The following COL9A2 variants were observed in gnomAD, a reference collection of about 807,000 sequenced individuals.
COL9A2 encodes collagen alpha-2(IX) chain.
In COL9A2, 66 loss-of-function variants were observed where a neutral mutation model predicts 111.6. The ratio of observed to expected loss-of-function variants is 0.59; its 90% CI spans 0.48 to 0.73. The LOEUF is 0.73. COL9A2 is among the 30% of genes least tolerant of loss of function. The probability of loss-of-function intolerance (pLI) is 0.00; values close to 1 mark genes in which losing one functional copy is unlikely to be tolerated. For synonymous variants in COL9A2, 353 were observed against 364.1 expected (o/e 0.97, Z 0.35); for missense variants, 881 against 954.1 (o/e 0.92, Z 1.01).
At position 40,301,195 on chromosome 1, in the gene COL9A2, A is replaced by G; in HGVS notation, c.2057T>C (p.Ile686Thr). Residue 686 changes from isoleucine (I) to threonine (T), a missense_variant, in exon 32 of 32, where the codon ATC (isoleucine) becomes ACC (threonine). Coordinates refer to ENST00000372748, the MANE Select transcript of COL9A2 (RefSeq NM_001852.4). ...TGGGCCTGATGCTCAAGGCCCCTTG[A>G]TGGATCCAGGCTCTGTAAGGCGGGC... ...ASARLTEPGSIKGP is the reference protein window; with the variant it reads ...ASARLTEPGSTKGP 1.9e-6 allele frequency: 3 copies of G among 1,613,612 alleles called. No homozygotes were observed. The highest frequency in any genetic ancestry group is 2.5e-6 in the Non-Finnish European group (3 of 1,180,026).
intron 2 of COL9A2, among the ~76,000 whole-genome samples, chr1:40,315,032 G>C (rs209919): frequency 1.6e-4 from 24 of 152,118 alleles, no homozygotes; most frequent in Admixed American, 1.6e-3. Context: ...TGTTTGGGGG[G>C]TGGGGGCACC....
intron 16 of COL9A2, 85 bp from the exon 17 acceptor site, chr1:40,308,330 G>T (rs768181143): frequency 4.8e-5 from 68 of 1,404,318 alleles, no homozygotes; most frequent in Non-Finnish European, 6.4e-5. Flanking sequence ...TGAGAACAGT[G>T]GCCTCTAGGT....
Position 40,311,996 on chromosome 1 carries a change from C to G in COL9A2, c.417+63G>C. ...GGCCCAGGAACTTCCAGAAAGACCA[C>G]CCAGCTTGCCAGCTTGGAGATAGAA... On this transcript the variant is annotated intron_variant, in intron 8 of 31. Coordinates refer to ENST00000372748, the MANE Select transcript of COL9A2 (RefSeq NM_001852.4). This position sits in a 1 kb window ranked among gnomAD's most constrained non-coding sequence, Gnocchi z 5.1. 1.3e-6 allele frequency: 2 copies of G among 1,528,802 alleles called. No homozygotes were observed. The highest frequency in any genetic ancestry group is 1.8e-6 in the Non-Finnish European group (2 of 1,119,116). The allele number at this position is 1,528,802 out of a possible 1,614,324, so 94.7% of individuals were successfully genotyped here.
rs1644225494 is a variant in COL9A2, at chr1:40,316,734, C to A, written c.75+389G>T. 1 of 367,766 alleles carries A rather than the reference C, an allele frequency of 2.7e-6. No individual in the cohort carries two copies. The highest frequency in any genetic ancestry group is 6.7e-4 in the Middle Eastern group (1 of 1,496). The allele number at this position is 367,766 out of a possible 1,614,324, so 22.8% of individuals were successfully genotyped here. A position where few individuals can be genotyped will look rare whatever the true frequency, so the allele number is the denominator to read the frequency against. ...CCGAGAGGCCGCCTCGGGGCGACAG[C>A]GGCGTCTGGTTGGAGCCGGCGCCCC... is the stretch of plus-strand genomic sequence containing the variant. On this transcript the variant is annotated intron_variant, in intron 1 of 31. Coordinates refer to ENST00000372748, the MANE Select transcript of COL9A2 (RefSeq NM_001852.4). The surrounding 1 kb of genome is among the most constrained non-coding windows in gnomAD (Gnocchi z 5.5).
Position 40,311,984 on chromosome 1 carries a change from C to A in COL9A2, c.417+75G>T. On this transcript the variant is annotated intron_variant, in intron 8 of 31. Transcript: ENST00000372748. The surrounding 1 kb of genome is among the most constrained non-coding windows in gnomAD (Gnocchi z 5.1). The stretch of plus-strand genomic sequence containing the variant: ...TGGCCAGGAGCAGGCCCAGGAACTT[C>A]CAGAAAGACCACCCAGCTTGCCAGC... 3 of 1,488,460 alleles carry A rather than the reference C, an allele frequency of 2.0e-6. No homozygotes were observed. In the South Asian group the frequency reaches 3.6e-5, roughly 18 times the overall value. 92.2% of individuals were successfully genotyped at this position (1,488,460 alleles called of 1,614,324 possible). A position where few individuals can be genotyped will look rare whatever the true frequency, so the allele number is the denominator to read the frequency against.
In COL9A2 at chr1:40,310,033, AG is replaced by A. The variant is rs1557800555; in HGVS notation, c.793-43del. ...GCAGGAATCCAGGTCACACAGGCTC[AG>A]GGGGAGCCATGCCCACTCTGTGGCT... On this transcript the variant is annotated intron_variant, in intron 15 of 31. Transcript: ENST00000372748. This position sits in a 1 kb window ranked among gnomAD's most constrained non-coding sequence, Gnocchi z 4.9. 1 of 1,612,968 alleles carries A rather than the reference AG, an allele frequency of 6.2e-7. No homozygotes were observed. Among genetic ancestry groups the A allele is most frequent in the East Asian group, 2.2e-5 (1 of 44,864 alleles).
chr1:40,303,005 A>C lies in COL9A2; in HGVS notation c.1603+126T>G. 8.8e-7 allele frequency: 1 copy of C among 1,140,338 alleles called. No individual in the cohort carries two copies. The highest frequency in any genetic ancestry group is 2.0e-5 in the Admixed American group (1 of 49,098). The allele number at this position is 1,140,338 out of a possible 1,614,324, so 70.6% of individuals were successfully genotyped here. On this transcript the variant is annotated intron_variant, in intron 29 of 31. Coordinates refer to ENST00000372748, the MANE Select transcript of COL9A2 (RefSeq NM_001852.4). This position sits in a 1 kb window ranked among gnomAD's most constrained non-coding sequence, Gnocchi z 4.6. ...TTCAAGGTCCCAAAACCCTTCAGAG[A>C]CTGGACTGGAAGGAGCCCCCAGGAC...
At position 40,312,470 on chromosome 1, in the gene COL9A2, A is replaced by G; in HGVS notation, c.349T>C (p.Phe117Leu). Residue 117 changes from phenylalanine (F) to leucine (L), a missense_variant, in exon 7 of 32, where the codon TTT becomes CTT. Phe to Leu is a conservative substitution (Grantham distance 22, BLOSUM62 0). Coordinates refer to ENST00000372748, the MANE Select transcript of COL9A2 (RefSeq NM_001852.4). This position sits in a 1 kb window ranked among gnomAD's most constrained non-coding sequence, Gnocchi z 6.0. ...TGAGGACTTACAGGAGGTCCAGCAA[A>G]ACCAGGGCCCTGGAACAGAAAGAAA... ...PGPPGLPGPG[F>L]AGPPGPPGPV... 1 of 1,613,636 alleles carries G rather than the reference A, an allele frequency of 6.2e-7. No individual in the cohort carries two copies. The highest frequency in any genetic ancestry group is 8.5e-7 in the Non-Finnish European group (1 of 1,179,850).
chr1:40,303,489 C>A lies in COL9A2; in HGVS notation c.1548+41G>T. On this transcript the variant is annotated intron_variant, in intron 28 of 31. Transcript: ENST00000372748. The surrounding 1 kb of genome is among the most constrained non-coding windows in gnomAD (Gnocchi z 4.6). ...GGGTAAGCCGCACCCCAGAACAGAT[C>A]TACCTAGAAGAAGCACCTCCTACCC... The A allele has an allele frequency of 1.2e-6, 2 of 1,612,006 alleles. No individual in the cohort carries two copies. The highest frequency in any genetic ancestry group is 2.2e-5 in the South Asian group (2 of 90,984).
At chr1:40,315,922 G>C (rs1644211587) in intron 1 of COL9A2, 1 of 403,678 alleles carries the variant, frequency 2.5e-6, no homozygotes, top group Non-Finnish European at 4.4e-6. Flanking sequence ...GAACGTGAAG[G>C]GTCCATGGTC....
intron 2 of COL9A2, chr1:40,315,122 C>A: frequency 1.4e-6 from 1 of 713,502 alleles, no homozygotes. Flanking sequence ...GTATTTAACC[C>A]TCACCCTGCA....
intron 19 of COL9A2, 93 bp from the exon 20 acceptor site, chr1:40,306,280 C>T: frequency 1.4e-6 from 2 of 1,421,310 alleles, no homozygotes; most frequent in Non-Finnish European, 9.9e-7. Flanking sequence ...CAGATTTCCC[C>T]CACCTGTGGG....
In COL9A2 at chr1:40,302,946, T is replaced by C; in HGVS notation, c.1604-137A>G. On this transcript the variant is annotated intron_variant, in intron 29 of 31. Transcript: ENST00000372748. The surrounding 1 kb of genome is among the most constrained non-coding windows in gnomAD (Gnocchi z 4.5). ...GAAAAGCACCACCTTCCGTGGGCTCTGTTTTGCGGAAGTCAAAGGCCCAGA... is the reference window on the plus strand; with the variant it reads ...GAAAAGCACCACCTTCCGTGGGCTCCGTTTTGCGGAAGTCAAAGGCCCAGA... 8.8e-7 allele frequency: 1 copy of C among 1,135,786 alleles called. No homozygotes were observed. The highest frequency in any genetic ancestry group is 1.3e-6 in the Non-Finnish European group (1 of 785,262). 70.4% of individuals were successfully genotyped at this position (1,135,786 alleles called of 1,614,324 possible).
chr1:40,304,396 G>A lies in COL9A2; in HGVS notation c.1216-5C>T, dbSNP rs369574413. 2.5e-6 allele frequency: 4 copies of A among 1,604,404 alleles called. No individual in the cohort carries two copies. Among genetic ancestry groups the A allele is most frequent in the Non-Finnish European group, 3.4e-6 (4 of 1,175,368 alleles). On this transcript the variant is annotated splice_region_variant and splice_polypyrimidine_tract_variant and intron_variant, in intron 23 of 31. Coordinates refer to ENST00000372748, the MANE Select transcript of COL9A2 (RefSeq NM_001852.4). ...GCCCTGCTCCCCCTTAGGGCCCTGA[G>A]GAGAAAAGAAACCAAAGGAATAAAT...
Position 40,302,266 on chromosome 1 carries a change from C to T in COL9A2, c.1792+355G>A, listed in dbSNP as rs1048849369. Reference sequence around the variant, plus strand: ...GGCCCAGGGAAATTAGCAGGTAACTCGTCTGAGAGCCACGATGAGAAAGGG... The same window carrying T: ...GGCCCAGGGAAATTAGCAGGTAACTTGTCTGAGAGCCACGATGAGAAAGGG... On this transcript the variant is annotated intron_variant, in intron 30 of 31. Transcript: ENST00000372748. This position sits in a 1 kb window ranked among gnomAD's most constrained non-coding sequence, Gnocchi z 4.5. 4.6e-5 allele frequency among the ~76,000 whole-genome samples: 7 copies of T among 152,132 alleles called. No individual in the cohort carries two copies. Among genetic ancestry groups the T allele is most frequent in the African/African-American group, 9.7e-5 (4 of 41,428 alleles).
rs1319693106 is a variant in COL9A2, at chr1:40,303,529, C to T, written c.1548+1G>A. 6.2e-7 allele frequency: 1 copy of T among 1,612,290 alleles called. No individual in the cohort carries two copies. Among genetic ancestry groups the T allele is most frequent in the Non-Finnish European group, 8.5e-7 (1 of 1,179,682 alleles). The stretch of plus-strand genomic sequence containing the variant: ...ACCTCCTACCCCGGGGCCCGACTCA[C>T]CTCCACGCCCTGTCTCCCGGGCTGT... On this transcript the variant is annotated splice_donor_variant, in intron 28 of 31. Coordinates refer to ENST00000372748, the MANE Select transcript of COL9A2 (RefSeq NM_001852.4). LOFTEE classifies it high-confidence loss of function. The surrounding 1 kb of genome is among the most constrained non-coding windows in gnomAD (Gnocchi z 4.6).
Position 40,310,454 on chromosome 1 carries a change from G to A in COL9A2, c.685-137C>T. The A allele has an allele frequency of 1.1e-6, 1 of 942,726 alleles. No homozygotes were observed. The highest frequency in any genetic ancestry group is 1.7e-6 in the Non-Finnish European group (1 of 593,926). 58.4% of individuals were successfully genotyped at this position (942,726 alleles called of 1,614,324 possible). A position where few individuals can be genotyped will look rare whatever the true frequency, so the allele number is the denominator to read the frequency against. ...CTCTGTCTCATGGATGGGACATGGAGGTTCAGAGATGAGGAGGGACTCACT... is the reference window on the plus strand; with the variant it reads ...CTCTGTCTCATGGATGGGACATGGAAGTTCAGAGATGAGGAGGGACTCACT... On this transcript the variant is annotated intron_variant, in intron 13 of 31. Transcript: ENST00000372748. The surrounding 1 kb of genome is among the most constrained non-coding windows in gnomAD (Gnocchi z 4.9).
intron 16 of COL9A2, 34 bp downstream of exon 16, chr1:40,309,904 G>A (rs1434601195): frequency 6.2e-7 from 1 of 1,611,398 alleles, no homozygotes; most frequent in Non-Finnish European, 8.5e-7. Flanking sequence ...CTCCCCAGGG[G>A]TCCTGACTGA....
rs973724006 is a variant in COL9A2 at position 40,311,910 on chromosome 1, G to A, written c.417+149C>T. On this transcript the variant is annotated intron_variant, in intron 8 of 31. Coordinates refer to ENST00000372748, the MANE Select transcript of COL9A2 (RefSeq NM_001852.4). The surrounding 1 kb of genome is among the most constrained non-coding windows in gnomAD (Gnocchi z 5.1). ...GCGTCCCTAAAAGACCTAGTGCCGGGTGGGCTCATAGGAGGGGTTTCTGCC... is the reference window on the plus strand; with the variant it reads ...GCGTCCCTAAAAGACCTAGTGCCGGATGGGCTCATAGGAGGGGTTTCTGCC... 1.0e-6 allele frequency: 1 copy of A among 1,002,096 alleles called. No individual in the cohort carries two copies. The highest frequency in any genetic ancestry group is 2.0e-5 in the Admixed American group (1 of 49,930). 62.1% of individuals were successfully genotyped at this position (1,002,096 alleles called of 1,614,324 possible). A position where few individuals can be genotyped will look rare whatever the true frequency, so the allele number is the denominator to read the frequency against.
Sources: allele counts gnomAD v4.1 joint callset (sites outside exome capture counted in the v4.1 genomes callset), GRCh38; gene constraint gnomAD v4.1.1; non-coding constraint Gnocchi (gnomAD v3.1); transcripts MANE v1.5; gene names NCBI Gene and HGNC (gene_info 2026-07-23, HGNC 2026-07-21).